GRIN3A: variants seen among roughly 807,000 people sequenced by gnomAD.
GRIN3A encodes the protein glutamate ionotropic receptor NMDA type subunit 3A.
In GRIN3A, 47 loss-of-function variants were observed where a neutral mutation model predicts 92.4. The ratio of observed to expected loss-of-function variants is 0.51; its 90% CI spans 0.40 to 0.65. GRIN3A has a LOEUF of 0.65. GRIN3A is among the 30% of genes least tolerant of loss of function. The pLI is 0.00. For missense variants in GRIN3A, 1,324 were observed against 1,393.1 expected, an observed-to-expected ratio of 0.95 and a Z score of 0.79; for synonymous variants, 527 against 540.6, an observed-to-expected ratio of 0.97 and a Z score of 0.35.
At chr9:101,665,459 G>T (rs1428062706) in intron 3 of GRIN3A, among the ~76,000 whole-genome samples, 6 of 151,908 alleles carry the variant, frequency 3.9e-5, no homozygotes, top group Non-Finnish European at 7.4e-5. Context: ...TTCTTGAGAT[G>T]AATTCACTGA....
chr9:101,730,414 A>T (rs560537358), intron 1 of GRIN3A, among the ~76,000 whole-genome samples: 1 of 152,304 alleles, frequency 6.6e-6, no homozygotes, highest in Non-Finnish European at 1.5e-5. Flanking sequence ...TATCAACATC[A>T]TAAGAACACA....
chr9:101,625,760 G>A (rs931160462), intron 4 of GRIN3A, among the ~76,000 whole-genome samples: 7 of 152,158 alleles, frequency 4.6e-5, no homozygotes, highest in Non-Finnish European at 1.0e-4. Context: ...TAAAAATTGA[G>A]CTGAAAGCTG....
At chr9:101,594,526 C>T (rs1828083501) in intron 6 of GRIN3A, 5 of 1,614,190 alleles carry the variant, frequency 3.1e-6, no homozygotes, top group Non-Finnish European at 4.2e-6. Flanking sequence ...TTTTGTCGAC[C>T]AGCTGCTGGA....
intron 3 of GRIN3A, among the ~76,000 whole-genome samples, chr9:101,637,733 G>C (rs1258087699): frequency 6.6e-6 from 1 of 152,176 alleles, no homozygotes; most frequent in Non-Finnish European, 1.5e-5. Flanking sequence ...ATGTGTCCCA[G>C]ATAACTCAGG....
intron 6 of GRIN3A, among the ~76,000 whole-genome samples, chr9:101,581,741 A>G (rs535198877): frequency 6.6e-4 from 101 of 152,334 alleles, no homozygotes; most frequent in Non-Finnish European, 1.1e-3. Context: ...GGACAAAGAT[A>G]TGCAGTGAGA....
intron 6 of GRIN3A, chr9:101,595,132 G>T (rs1459106429): frequency 8.4e-6 from 5 of 594,760 alleles, no homozygotes; most frequent in Non-Finnish European, 1.5e-5. Flanking sequence ...GGAGGGAAAA[G>T]GGGGCGGAAG....
intron 6 of GRIN3A, among the ~76,000 whole-genome samples, chr9:101,582,956 G>T (rs1827907560): frequency 1.3e-5 from 2 of 151,986 alleles, no homozygotes; most frequent in African/African-American, 4.8e-5. Flanking sequence ...TTAAACTTCT[G>T]CTGTTTATAC....
At chr9:101,723,734 T>C (rs1235468369) in intron 1 of GRIN3A, among the ~76,000 whole-genome samples, 2 of 152,080 alleles carry the variant, frequency 1.3e-5, no homozygotes, top group Non-Finnish European at 2.9e-5. Flanking sequence ...ACAAAGGTTC[T>C]CCAAGGCCCC....
chr9:101,595,510 T>G (rs1401286473), intron 6 of GRIN3A, among the ~76,000 whole-genome samples: 1 of 152,028 alleles, frequency 6.6e-6, no homozygotes, highest in Non-Finnish European at 1.5e-5. Context: ...TGAAACAAGG[T>G]GACACATCAA....
rs779937168 is a variant in GRIN3A, at chr9:101,613,501, A to C, written c.2641T>G (p.Ser881Ala). Residue 881 changes from serine to alanine, a missense_variant, in exon 6 of 9, where the codon TCT becomes GCT. By Grantham distance (99) the Ser-to-Ala change is moderately conservative. Coordinates refer to ENST00000361820, the MANE Select transcript of GRIN3A (RefSeq NM_133445.3). Reference protein sequence around the residue: ...EGYGIGLPPNSPLTANISELI... With the variant: ...EGYGIGLPPNAPLTANISELI... ...TCGGATATGTTGGCGGTCAATGGAG[A>C]GTTGGGTGGGAGGCCAATGCCGTAT... 1.2e-6 allele frequency: 2 copies of C among 1,614,148 alleles called. No homozygotes were observed. The highest frequency in any genetic ancestry group is 2.2e-5 in the East Asian group (1 of 44,878).
intron 3 of GRIN3A, among the ~76,000 whole-genome samples, chr9:101,667,186 A>G (rs1829250290): frequency 1.3e-5 from 2 of 151,894 alleles, no homozygotes; most frequent in Admixed American, 6.6e-5. Flanking sequence ...ACTTTATACT[A>G]TATACCTATA....
In GRIN3A at chr9:101,705,525, G is replaced by A. The variant is rs1274721589; in HGVS notation, c.700-18325C>T. Among the ~76,000 whole-genome samples the A allele has an allele frequency of 2.0e-5, 3 of 152,092 alleles. No homozygotes were observed. The East Asian group carries it at 5.8e-4, about 29-fold the overall frequency. On this transcript the variant is annotated intron_variant, in intron 1 of 8. Transcript: ENST00000361820. ...GGTCCAGGATGCCGGCCAAGAATCC[G>A]GGGGTTAACAGCCGTCCCTGGATGA...
rs866467593 is a variant in GRIN3A, at chr9:101,670,203, G to T, written c.2209C>A (p.Pro737Thr). ...LFGRTVAIKPPKCWTGRFLMN... is the reference protein window; with the variant it reads ...LFGRTVAIKPTKCWTGRFLMN... ...AGAAACCTTCCAGTCCAACATTTTG[G>T]AGGTTTGATGGCCACTGTTCTGCCA... is the stretch of plus-strand genomic sequence containing the variant. The change falls in exon 3 of 9, where the codon CCA (proline) becomes ACA (threonine). Residue 737 changes from proline (P) to threonine (T), a missense_variant. Physicochemically the swap from Pro to Thr is conservative, Grantham distance 38. Transcript: ENST00000361820. 6.2e-7 allele frequency: 1 copy of T among 1,613,880 alleles called. No individual in the cohort carries two copies. The highest frequency in any genetic ancestry group is 8.5e-7 in the Non-Finnish European group (1 of 1,179,928).
rs1827771819 is a variant in GRIN3A at position 101,572,296 on chromosome 9, G to C, written c.*878C>G. The C allele has an allele frequency of 6.6e-6, 1 of 152,634 alleles. No homozygotes were observed. The allele number at this position is 152,634 out of a possible 1,614,324, so 9.5% of individuals were successfully genotyped here. ...ATTATAGGCAATAAGGGATATTCCAGGTCCAACCTAAGGCCACAACCTTGC... is the reference window on the plus strand; with the variant it reads ...ATTATAGGCAATAAGGGATATTCCACGTCCAACCTAAGGCCACAACCTTGC... On this transcript the variant is annotated 3_prime_UTR_variant, in exon 9 of 9. Coordinates refer to ENST00000361820, the MANE Select transcript of GRIN3A (RefSeq NM_133445.3).
intron 1 of GRIN3A, among the ~76,000 whole-genome samples, chr9:101,706,840 G>A (rs994188467): frequency 4.6e-5 from 7 of 152,230 alleles, no homozygotes; most frequent in Non-Finnish European, 8.8e-5. Context: ...ACACAAGGGA[G>A]ACGGAGAGAA....
At chr9:101,639,333 G>T (rs560694174) in intron 3 of GRIN3A, among the ~76,000 whole-genome samples, 27 of 151,946 alleles carry the variant, frequency 1.8e-4, no homozygotes, top group African/African-American at 6.3e-4. Flanking sequence ...ATGCTATAGG[G>T]CTTCTTACAG....
At chr9:101,595,716 G>A (rs1828117464) in intron 6 of GRIN3A, among the ~76,000 whole-genome samples, 1 of 152,134 alleles carries the variant, frequency 6.6e-6, no homozygotes, top group Non-Finnish European at 1.5e-5. Flanking sequence ...AATTCAGGGC[G>A]TTTTTCAAGA....
chr9:101,664,595 T>A (rs900550435), intron 3 of GRIN3A, among the ~76,000 whole-genome samples: 1 of 151,952 alleles, frequency 6.6e-6, no homozygotes, highest in African/African-American at 2.4e-5. Flanking sequence ...GGTACAAGAT[T>A]ATTTTTTTCT....
At chr9:101,725,712 G>A (rs1312546743) in intron 1 of GRIN3A, among the ~76,000 whole-genome samples, 3 of 152,164 alleles carry the variant, frequency 2.0e-5, no homozygotes, top group African/African-American at 7.2e-5. Flanking sequence ...TAAAAATTGT[G>A]TTATGGATAG....
Sources: gnomAD v4.1 joint callset for allele counts (sites outside exome capture counted in the v4.1 genomes callset) on GRCh38, gnomAD v4.1.1 for gene constraint, MANE v1.5 for transcripts, NCBI Gene and HGNC (gene_info 2026-07-23, HGNC 2026-07-21) for gene names.